KIAA0408: variants seen among roughly 807,000 people sequenced by gnomAD.
KIAA0408 encodes the protein uncharacterized protein KIAA0408.
Under a neutral mutation model 60.9 loss-of-function variants are expected in KIAA0408, and 51 were observed. The ratio of observed to expected loss-of-function variants is 0.84; its 90% CI spans 0.67 to 1.06. KIAA0408 has a LOEUF of 1.06. Ranked by LOEUF, KIAA0408 falls within the 50% of genes least tolerant of loss-of-function variation. The pLI, the probability that KIAA0408 is intolerant of heterozygous loss-of-function variation, is 0.00. For missense variants in KIAA0408, 787 were observed against 833.9 expected, an observed-to-expected ratio of 0.94 and a Z score of 0.69; for synonymous variants, 304 against 282.4, an observed-to-expected ratio of 1.08 and a Z score of -0.77.
chr6:127,440,041 T>C lies in KIAA0408; in HGVS notation c.*4068A>G, dbSNP rs948528981. On this transcript the variant is annotated 3_prime_UTR_variant, in exon 6 of 6. Coordinates refer to ENST00000483725, the MANE Select transcript of KIAA0408 (RefSeq NM_014702.5). ...CCTACTTTCTAGATTTCTCCATAGCTTCATATAAACAGATTTTTTTCCTAA... is the reference window on the plus strand; with the variant it reads ...CCTACTTTCTAGATTTCTCCATAGCCTCATATAAACAGATTTTTTTCCTAA... 6 of 152,234 alleles carry C rather than the reference T, an allele frequency of 3.9e-5. No individual in the cohort carries two copies. The highest frequency in any genetic ancestry group is 1.4e-4 in the African/African-American group (6 of 41,472). The allele number at this position is 152,234 out of a possible 1,614,324, so 9.4% of individuals were successfully genotyped here. A position where few individuals can be genotyped will look rare whatever the true frequency, so the allele number is the denominator to read the frequency against.
intron 1 of KIAA0408, among the ~76,000 whole-genome samples, chr6:127,458,805 G>T (rs116719248): frequency 0.014 from 2,063 of 151,472 alleles, 61 homozygotes; most frequent in African/African-American, 0.048. Context: ...AATGTTAAAA[G>T]TCTTTATATG....
intron 1 of KIAA0408, among the ~76,000 whole-genome samples, chr6:127,457,770 T>C (rs1773421708): frequency 6.6e-6 from 1 of 152,178 alleles, no homozygotes; most frequent in Non-Finnish European, 1.5e-5. Flanking sequence ...ACCCCCAAAT[T>C]AGCCTCAGTT....
chr6:127,446,606 C>G lies in KIAA0408; in HGVS notation c.1713G>C (p.Glu571Asp). Residue 571 changes from glutamate to aspartate, a missense_variant, in exon 5 of 6, where the codon GAG becomes GAC. By Grantham distance (45) the Glu-to-Asp change is conservative. This residue lies in a region of KIAA0408 where 640 missense variants were observed against 681.3 expected (regional missense o/e 0.94). Coordinates refer to ENST00000483725, the MANE Select transcript of KIAA0408 (RefSeq NM_014702.5). ...TTTGCAATGCAGACTCTGTTGCTGT[C>G]TCATAGGTTTTCAGCAGCTTTTCCA... The part of the protein sequence containing the change: ...GVVEKLLKTY[E>D]TATESALQNS... 9 of 1,614,092 alleles carry G rather than the reference C, an allele frequency of 5.6e-6. No homozygotes were observed. The highest frequency in any genetic ancestry group is 7.6e-6 in the Non-Finnish European group (9 of 1,180,006).
chr6:127,451,703 A>G (rs1374311805), intron 2 of KIAA0408, among the ~76,000 whole-genome samples: 2 of 152,190 alleles, frequency 1.3e-5, no homozygotes, highest in African/African-American at 2.4e-5. Context: ...ACTCACTGGT[A>G]CATTTCATAT....
At chr6:127,445,329 C>T (rs779289103) in intron 5 of KIAA0408, among the ~76,000 whole-genome samples, 2 of 152,134 alleles carry the variant, frequency 1.3e-5, no homozygotes, top group Non-Finnish European at 2.9e-5. Context: ...GGTTATTGTA[C>T]AGATATATCT....
rs1477150396 is a variant in KIAA0408 at position 127,440,233 on chromosome 6, TC to T, written c.*3875del. 2 of 152,036 alleles carry T rather than the reference TC, an allele frequency of 1.3e-5. No homozygotes were observed. The highest frequency in any genetic ancestry group is 4.8e-5 in the African/African-American group (2 of 41,380). The allele number at this position is 152,036 out of a possible 1,614,324, so 9.4% of individuals were successfully genotyped here. On this transcript the variant is annotated 3_prime_UTR_variant, in exon 6 of 6. Transcript: ENST00000483725. The stretch of plus-strand genomic sequence containing the variant: ...TTTTGGTACTTGTCTGAAGAACTCA[TC>T]CCCAATTTTTGCCTTTTTTGCTTTG...
rs747075000 is a variant in KIAA0408 at position 127,447,387 on chromosome 6, G to T, written c.932C>A (p.Pro311His). The T allele has an allele frequency of 2.5e-6, 4 of 1,612,422 alleles. No individual in the cohort carries two copies. Among genetic ancestry groups the T allele is most frequent in the Non-Finnish European group, 3.4e-6 (4 of 1,179,544 alleles). The change falls in exon 5 of 6, where the codon CCT becomes CAT. Residue 311 changes from proline (P) to histidine (H), a missense_variant. Coordinates refer to ENST00000483725, the MANE Select transcript of KIAA0408 (RefSeq NM_014702.5). ...HEGRSKRNYN[P>H]HFPLRQQEMS... ...CTCTTGTTGTCTCAAAGGGAAGTGAGGGTTGTAATTCCTTTTACTTCGACC... is the reference window on the plus strand; with the variant it reads ...CTCTTGTTGTCTCAAAGGGAAGTGATGGTTGTAATTCCTTTTACTTCGACC...
rs1773127292 is a variant in KIAA0408 at position 127,442,834 on chromosome 6, T to C, written c.*1275A>G. 6.6e-6 allele frequency: 1 copy of C among 152,214 alleles called. No homozygotes were observed. Among genetic ancestry groups the C allele is most frequent in the Non-Finnish European group, 1.5e-5 (1 of 68,032 alleles). The allele number at this position is 152,214 out of a possible 1,614,324, so 9.4% of individuals were successfully genotyped here. A position where few individuals can be genotyped will look rare whatever the true frequency, so the allele number is the denominator to read the frequency against. On this transcript the variant is annotated 3_prime_UTR_variant, in exon 6 of 6. Coordinates refer to ENST00000483725, the MANE Select transcript of KIAA0408 (RefSeq NM_014702.5). The stretch of plus-strand genomic sequence containing the variant: ...TAGTGACAGTAGAGAGCAAAGTTCC[T>C]TCTAAAATCTTCCATTTAGAATTCC...
Position 127,446,671 on chromosome 6 carries a change from G to A in KIAA0408, c.1648C>T (p.Arg550Cys), listed in dbSNP as rs1202065447. ...GACCTGGGATCAGCTGACCTCGGAC[G>A]GCCAGACAAATTACTCGGTCTCCAG... Reference protein sequence around the residue: ...HDWRPSNLSGRPRSADPRSNY... With the variant: ...HDWRPSNLSGCPRSADPRSNY... Residue 550 changes from arginine (R) to cysteine (C), a missense_variant, in exon 5 of 6, where the codon CGT (arginine) becomes TGT (cysteine). Coordinates refer to ENST00000483725, the MANE Select transcript of KIAA0408 (RefSeq NM_014702.5). The A allele has an allele frequency of 4.3e-6, 7 of 1,613,882 alleles. No individual in the cohort carries two copies. Among genetic ancestry groups the A allele is most frequent in the South Asian group, 1.1e-5 (1 of 91,074 alleles).
In KIAA0408 at chr6:127,440,723, G is replaced by C. The variant is rs6935096; in HGVS notation, c.*3386C>G. The C allele has an allele frequency of 0.55, 83,449 of 152,038 alleles. 23,812 individuals carry two copies. Among genetic ancestry groups the C allele is most frequent in the Non-Finnish European group, 0.59 (40,413 of 67,982 alleles). The allele number at this position is 152,038 out of a possible 1,614,324, so 9.4% of individuals were successfully genotyped here. Reference sequence around the variant, plus strand: ...AAAAAAATCTGATTTTCCTGAAAATGGTTTAATTTTATGATGTAAATGCAA... The same window carrying C: ...AAAAAAATCTGATTTTCCTGAAAATCGTTTAATTTTATGATGTAAATGCAA... On this transcript the variant is annotated 3_prime_UTR_variant, in exon 6 of 6. Coordinates refer to ENST00000483725, the MANE Select transcript of KIAA0408 (RefSeq NM_014702.5).
At chr6:127,449,933 C>T (rs1303619313) in intron 3 of KIAA0408, 32 bp from the exon 4 acceptor site, 3 of 1,613,794 alleles carry the variant, frequency 1.9e-6, no homozygotes, top group Admixed American at 3.3e-5. Flanking sequence ...CCCGTTAGCA[C>T]TTTGAAATGT....
rs757484814 is a variant in KIAA0408, at chr6:127,446,564, C to G, written c.1755G>C (p.Gln585His). ...CAGAATTACATTTGGTCCAATTATC[C>G]TGGAAGCACTTAGAATTTTGCAATG... ...ESALQNSKCF[Q>H]DNWTKCNSDV... is the part of the protein sequence containing the mutation. The change falls in exon 5 of 6, where the codon CAG becomes CAC. Residue 585 changes from glutamine (Q) to histidine (H), a missense_variant. Transcript: ENST00000483725. The G allele has an allele frequency of 6.2e-7, 1 of 1,614,052 alleles. No individual in the cohort carries two copies. Among genetic ancestry groups the G allele is most frequent in the Admixed American group, 1.7e-5 (1 of 60,004 alleles).
Position 127,443,415 on chromosome 6 carries a change from A to G in KIAA0408, c.*694T>C, listed in dbSNP as rs1044007928. The G allele has an allele frequency of 3.3e-5, 5 of 152,210 alleles. No homozygotes were observed. The highest frequency in any genetic ancestry group is 1.2e-4 in the African/African-American group (5 of 41,468). The allele number at this position is 152,210 out of a possible 1,614,324, so 9.4% of individuals were successfully genotyped here. A position where few individuals can be genotyped will look rare whatever the true frequency, so the allele number is the denominator to read the frequency against. ...TATGAACATTTTATGCTTGCTTTAC[A>G]AGGCTGATCTATTAAACTTGTGACA... On this transcript the variant is annotated 3_prime_UTR_variant, in exon 6 of 6. Coordinates refer to ENST00000483725, the MANE Select transcript of KIAA0408 (RefSeq NM_014702.5).
chr6:127,444,331 A>G (rs1773152734), intron 5 of KIAA0408, 49 bp from the exon 6 acceptor site: 1 of 1,441,798 alleles, frequency 6.9e-7, no homozygotes, highest in African/African-American at 1.4e-5. Context: ...TACCAACAAT[A>G]GGCTTAATAT....
chr6:127,458,374 T>A (rs1462912209), intron 1 of KIAA0408, among the ~76,000 whole-genome samples: 1 of 152,224 alleles, frequency 6.6e-6, no homozygotes, highest in Non-Finnish European at 1.5e-5. Flanking sequence ...ATTGCTGATT[T>A]AGCACATTCC....
In KIAA0408 at chr6:127,444,190, T is replaced by A; in HGVS notation, c.2004A>T (p.Arg668Ser). Reference protein sequence around the residue: ...NRRLPSRWASRSPSAPPALRR... With the variant: ...NRRLPSRWASSSPSAPPALRR... ...GCAAGGCAGGGGGTGCAGATGGAGA[T>A]CTGGATGCCCATCTGGAGGGGAGAC... The change falls in exon 6 of 6, where the codon AGA becomes AGT. Residue 668 changes from arginine (R) to serine (S), a missense_variant. Around this residue, in one of 3 missense-constraint regions of KIAA0408, gnomAD observed 133 missense variants for 119.2 expected, o/e 1.12. Coordinates refer to ENST00000483725, the MANE Select transcript of KIAA0408 (RefSeq NM_014702.5). 1 of 1,613,552 alleles carries A rather than the reference T, an allele frequency of 6.2e-7. No individual in the cohort carries two copies. Among genetic ancestry groups the A allele is most frequent in the East Asian group, 2.2e-5 (1 of 44,818 alleles).
intron 2 of KIAA0408, among the ~76,000 whole-genome samples, chr6:127,453,167 G>C (rs1309431389): frequency 1.3e-5 from 2 of 152,010 alleles, no homozygotes; most frequent in Non-Finnish European, 2.9e-5. Context: ...ATTTCCAATT[G>C]GTGCAAAAGC....
At position 127,447,027 on chromosome 6, in the gene KIAA0408, C is replaced by T; in HGVS notation, c.1292G>A (p.Arg431Lys). ...TGCCAGCTTCTCATTCCTTGTAGTC[C>T]TTTCAAAGCCACAACTGAAATTTCT... ...PLRNFSCGFE[R>K]TTRNEKLAAK... Residue 431 changes from arginine to lysine, a missense_variant, in exon 5 of 6, where the codon AGG becomes AAG. Physicochemically the swap from Arg to Lys is conservative, Grantham distance 26. Coordinates refer to ENST00000483725, the MANE Select transcript of KIAA0408 (RefSeq NM_014702.5). The T allele has an allele frequency of 6.2e-7, 1 of 1,613,228 alleles. No individual in the cohort carries two copies. Among genetic ancestry groups the T allele is most frequent in the South Asian group, 1.1e-5 (1 of 90,938 alleles).
At chr6:127,448,592 CTT>C (rs534974735) in intron 4 of KIAA0408, among the ~76,000 whole-genome samples, 8 of 152,110 alleles carry the variant, frequency 5.3e-5, no homozygotes, top group Non-Finnish European at 8.8e-5. Flanking sequence ...GCAATTCAAA[CTT>C]AATCACACTG....
Sources: allele counts gnomAD v4.1 joint callset (sites outside exome capture counted in the v4.1 genomes callset), GRCh38; gene constraint gnomAD v4.1.1; regional missense constraint gnomAD v4.1.1; transcripts MANE v1.5; gene names NCBI Gene and HGNC (gene_info 2026-07-23, HGNC 2026-07-21).